CTNNA2: variants seen among roughly 807,000 people sequenced by gnomAD.
The protein encoded by CTNNA2 is catenin alpha 2.
CTNNA2 carries 42 observed loss-of-function variants against 101.0 expected under a neutral mutation model. The observed-to-expected ratio is 0.42, with a 90% CI of 0.32 to 0.54. The LOEUF (loss-of-function observed/expected upper bound fraction) is 0.54. Ranked by LOEUF, CTNNA2 falls within the 20% of genes least tolerant of loss-of-function variation. The probability of loss-of-function intolerance (pLI) is 0.14; values close to 1 mark genes in which losing one functional copy is unlikely to be tolerated. For missense variants in CTNNA2, 871 were observed against 1,223.1 expected, an observed-to-expected ratio of 0.71 and a Z score of 4.29; for synonymous variants, 450 against 456.4, an observed-to-expected ratio of 0.99 and a Z score of 0.18.
intron 7 of CTNNA2, among the ~76,000 whole-genome samples, chr2:79,984,005 A>T (rs562696): frequency 0.7 from 106,351 of 151,958 alleles, 38,255 homozygotes; most frequent in Non-Finnish European, 0.79. Flanking sequence ...GTCCTCATTT[A>T]TCATAAAGCC....
intron 3 of CTNNA2, among the ~76,000 whole-genome samples, chr2:79,842,807 T>C (rs745668805): frequency 6.6e-6 from 1 of 152,120 alleles, no homozygotes; most frequent in Non-Finnish European, 1.5e-5. Flanking sequence ...ATCTACTAAG[T>C]ACATTATAAA....
At chr2:79,825,500 G>A (rs543595418) in intron 3 of CTNNA2, among the ~76,000 whole-genome samples, 1 of 152,246 alleles carries the variant, frequency 6.6e-6, no homozygotes, top group South Asian at 2.1e-4. Flanking sequence ...GAATTATCTG[G>A]TTTGAGCATC....
intron 1 of CTNNA2, among the ~76,000 whole-genome samples, chr2:79,537,459 G>C (rs1369822356): frequency 6.6e-6 from 1 of 151,974 alleles, no homozygotes; most frequent in East Asian, 1.9e-4. Flanking sequence ...CTATGCTTGG[G>C]GTGTTCATTT....
At chr2:80,160,941 T>A (rs1198165683) in intron 7 of CTNNA2, among the ~76,000 whole-genome samples, 1 of 152,094 alleles carries the variant, frequency 6.6e-6, no homozygotes, top group East Asian at 1.9e-4. Flanking sequence ...AATGTTCCCC[T>A]CTATTCATAT....
At chr2:79,843,814 G>A (rs1403577130) in intron 3 of CTNNA2, among the ~76,000 whole-genome samples, 1 of 152,008 alleles carries the variant, frequency 6.6e-6, no homozygotes, top group Admixed American at 6.6e-5. Flanking sequence ...CAACACAATT[G>A]CTAAATTACT....
intron 9 of CTNNA2, among the ~76,000 whole-genome samples, chr2:80,508,961 T>G (rs1230322455): frequency 1.3e-5 from 2 of 152,188 alleles, no homozygotes; most frequent in African/African-American, 2.4e-5. Flanking sequence ...TTCATTTTTA[T>G]CTTTGTTATT....
intron 2 of CTNNA2, among the ~76,000 whole-genome samples, chr2:79,272,680 T>A (rs1057246490): frequency 6.6e-6 from 1 of 152,114 alleles, no homozygotes; most frequent in Non-Finnish European, 1.5e-5. Context: ...AAAATTTTGT[T>A]TTATTAAACA....
At chr2:79,819,951 CAATG>C (rs1326350575) in intron 3 of CTNNA2, among the ~76,000 whole-genome samples, 1 of 151,764 alleles carries the variant, frequency 6.6e-6, no homozygotes, top group African/African-American at 2.4e-5. Context: ...AATAAAATGA[CAATG>C]AAAACAAAAC....
chr2:80,373,621 A>T (rs1675654054), intron 7 of CTNNA2, among the ~76,000 whole-genome samples: 1 of 152,130 alleles, frequency 6.6e-6, no homozygotes, highest in Admixed American at 6.5e-5. Flanking sequence ...TGCTTTATTT[A>T]TTTATTTACT....
chr2:79,451,025 G>A (rs588259), intron 4 of CTNNA2, among the ~76,000 whole-genome samples: 45,907 of 151,862 alleles, frequency 0.3, 7,147 homozygotes, highest in South Asian at 0.44. Context: ...TTCACCTAAT[G>A]TGTACATCTG....
At chr2:79,217,395 G>C (rs190943405) in intron 2 of CTNNA2, among the ~76,000 whole-genome samples, 20 of 152,250 alleles carry the variant, frequency 1.3e-4, no homozygotes, top group African/African-American at 4.8e-4. Flanking sequence ...GGGGGGCTGA[G>C]TCTGAAAAGA....
intron 15 of CTNNA2, among the ~76,000 whole-genome samples, chr2:80,589,860 CTGTGTGTGTGTGTG>C (rs59206973): frequency 4.1e-4 from 58 of 140,576 alleles, no homozygotes; most frequent in South Asian, 1.8e-3. Context: ...ATATGTACCT[CTGTGTGTGTGTGTG>C]TGTGTGTGTG....
At chr2:79,775,313 T>C (rs1202869460) in intron 3 of CTNNA2, among the ~76,000 whole-genome samples, 2 of 152,326 alleles carry the variant, frequency 1.3e-5, no homozygotes, top group Non-Finnish European at 2.9e-5. Context: ...TCTCTATTTT[T>C]AACTTTTCCC....
chr2:80,488,951 A>G (rs1278727819), intron 9 of CTNNA2, among the ~76,000 whole-genome samples: 5 of 152,182 alleles, frequency 3.3e-5, no homozygotes, highest in Non-Finnish European at 7.3e-5. Flanking sequence ...AGCATGGTAC[A>G]TTATTAGTTT....
chr2:80,078,130 A>G (rs1355455416), intron 7 of CTNNA2, among the ~76,000 whole-genome samples: 1 of 152,206 alleles, frequency 6.6e-6, no homozygotes, highest in East Asian at 1.9e-4. Context: ...TCAACCATTT[A>G]TTAAACTGAC....
chr2:79,999,976 G>C (rs908815809), intron 7 of CTNNA2, among the ~76,000 whole-genome samples: 4 of 152,132 alleles, frequency 2.6e-5, no homozygotes, highest in African/African-American at 9.7e-5. Flanking sequence ...AAGACCTGTG[G>C]GGAGGAACTG....
Position 80,303,178 on chromosome 2 carries a change from C to T in CTNNA2, c.1057-90033C>T. ...TGACCAAGTCGTTGTGCTCGAGGTG[C>T]AGCTCGGTGAGCTTAAACAAGCCGG... On this transcript the variant is annotated intron_variant, in intron 7 of 18. Transcript: ENST00000402739. This position sits in a 1 kb window ranked among gnomAD's most constrained non-coding sequence, Gnocchi z 7.7. The T allele has an allele frequency of 6.2e-7, 1 of 1,614,050 alleles. No homozygotes were observed. Among genetic ancestry groups the T allele is most frequent in the South Asian group, 1.1e-5 (1 of 91,080 alleles).
At chr2:80,587,314 C>G (rs1056033111) in intron 14 of CTNNA2, among the ~76,000 whole-genome samples, 6 of 152,058 alleles carry the variant, frequency 3.9e-5, no homozygotes, top group Admixed American at 1.3e-4. Flanking sequence ...TAGATAGTTG[C>G]ATAGACCCCG....
intron 7 of CTNNA2, among the ~76,000 whole-genome samples, chr2:80,202,421 C>T (rs1350840239): frequency 6.6e-6 from 1 of 152,186 alleles, no homozygotes; most frequent in African/African-American, 2.4e-5. Context: ...GGAGCTACCA[C>T]TCCAGCCTTG....
Sources: allele counts gnomAD v4.1 joint callset (sites outside exome capture counted in the v4.1 genomes callset), GRCh38; gene constraint gnomAD v4.1.1; non-coding constraint Gnocchi (gnomAD v3.1); transcripts MANE v1.5; gene names NCBI Gene and HGNC (gene_info 2026-07-23, HGNC 2026-07-21).